MYRFL: variants seen among roughly 807,000 people sequenced by gnomAD.
MYRFL encodes the protein myelin regulatory factor like, also known as myelin regulatory factor-like protein.
In MYRFL, 88 loss-of-function variants were observed where a neutral mutation model predicts 109.4. That is an observed-to-expected ratio of 0.80 (90% CI 0.68 to 0.96). The LOEUF (loss-of-function observed/expected upper bound fraction) is 0.96. MYRFL is among the 40% of genes least tolerant of loss of function. The pLI, the probability that MYRFL is intolerant of heterozygous loss-of-function variation, is 0.00. For synonymous variants in MYRFL, 324 were observed against 320.9 expected (o/e 1.01, Z -0.10); for missense variants, 957 against 954.9 (o/e 1.00, Z -0.03).
intron 10 of MYRFL, among the ~76,000 whole-genome samples, chr12:69,902,048 C>T (rs1954211688): frequency 6.6e-6 from 1 of 152,062 alleles, no homozygotes; most frequent in East Asian, 1.9e-4. Context: ...AACATGCCAC[C>T]ACACATGGCT....
chr12:69,915,544 G>A (rs543116642), intron 13 of MYRFL, among the ~76,000 whole-genome samples: 1 of 152,128 alleles, frequency 6.6e-6, no homozygotes, highest in Non-Finnish European at 1.5e-5. Context: ...GCAACCAAAG[G>A]GGGTGATCGT....
Position 69,958,630 on chromosome 12 carries a change from A to G in MYRFL, c.*99A>G. The stretch of plus-strand genomic sequence containing the variant: ...CAACTTCTTTTTTCTTCTTTGTAAA[A>G]CATTTACGTTTATTGCTGAAGGACT... On this transcript the variant is annotated 3_prime_UTR_variant, in exon 25 of 25. Coordinates refer to ENST00000552032, the MANE Select transcript of MYRFL (RefSeq NM_182530.3). The G allele has an allele frequency of 5.6e-6, 5 of 889,782 alleles. No homozygotes were observed. The South Asian group carries it at 8.6e-5, about 15-fold the overall frequency. The allele number at this position is 889,782 out of a possible 1,614,324, so 55.1% of individuals were successfully genotyped here.
At position 69,958,530 on chromosome 12, in the gene MYRFL, A is replaced by G. The variant is rs1956147273; in HGVS notation, c.2732A>G (p.Ter911=). The change falls in exon 25 of 25, where the codon TAA becomes TGA. Residue 911 remains the stop codon, a stop_retained_variant. Transcript: ENST00000552032. ...YFFYFYRRCA[*] ...TTTTACTTCTATCGACGCTGTGCCT[A>G]ATTTGTTCAAGTTTGGGGACTTTAC... 1.2e-5 allele frequency: 18 copies of G among 1,530,534 alleles called. No homozygotes were observed. The highest frequency in any genetic ancestry group is 1.3e-5 in the Non-Finnish European group (15 of 1,144,994). 94.8% of individuals were successfully genotyped at this position (1,530,534 alleles called of 1,614,324 possible).
intron 19 of MYRFL, among the ~76,000 whole-genome samples, chr12:69,949,129 G>A (rs749531348): frequency 1.3e-5 from 2 of 152,066 alleles, no homozygotes; most frequent in African/African-American, 4.8e-5. Context: ...ATTCCACCTA[G>A]TGAAAGGAGT....
chr12:69,826,597 C>T lies in MYRFL; in HGVS notation c.46+1034C>T, dbSNP rs575663387. On this transcript the variant is annotated intron_variant, in intron 1 of 24. Transcript: ENST00000552032. Reference sequence around the variant, plus strand: ...GAAAGAGCTTTTATTTCTATGGGATCCCTATACTGTCCTTGTTTATACTAT... The same window carrying T: ...GAAAGAGCTTTTATTTCTATGGGATTCCTATACTGTCCTTGTTTATACTAT... Among the ~76,000 whole-genome samples, 8 of 152,136 alleles carry T rather than the reference C, an allele frequency of 5.3e-5. No homozygotes were observed. The East Asian group carries it at 1.4e-3, about 26-fold the overall frequency.
rs553041024 is a variant in MYRFL, at chr12:69,831,258, T to C, written c.46+5695T>C. The stretch of plus-strand genomic sequence containing the variant: ...CCTGTTTTTGCAAATAAACTTTTAC[T>C]GTAACATACTCTTTTACATATTGTC... On this transcript the variant is annotated intron_variant, in intron 1 of 24. Coordinates refer to ENST00000552032, the MANE Select transcript of MYRFL (RefSeq NM_182530.3). Among the ~76,000 whole-genome samples the C allele has an allele frequency of 3.9e-5, 6 of 152,298 alleles. No individual in the cohort carries two copies. In the East Asian group the frequency reaches 1.2e-3, roughly 29 times the overall value.
chr12:69,907,104 T>C (rs140872291), intron 11 of MYRFL, among the ~76,000 whole-genome samples: 210 of 152,310 alleles, frequency 1.4e-3, no homozygotes, highest in African/African-American at 4.2e-3. Context: ...TTGCCTCAAG[T>C]GTTTTCCCTA....
intron 2 of MYRFL, among the ~76,000 whole-genome samples, chr12:69,869,527 A>G (rs1885215320): frequency 6.6e-6 from 1 of 152,158 alleles, no homozygotes; most frequent in South Asian, 2.1e-4. Context: ...CTCTCCTGAT[A>G]TATGGATTTA....
intron 2 of MYRFL, among the ~76,000 whole-genome samples, chr12:69,874,724 C>T (rs1276812052): frequency 6.6e-6 from 1 of 151,962 alleles, no homozygotes; most frequent in African/African-American, 2.4e-5. Context: ...ATATCAAATT[C>T]TGGCTTACCA....
chr12:69,927,240 C>T (rs1260128157), intron 14 of MYRFL, among the ~76,000 whole-genome samples: 6 of 152,046 alleles, frequency 3.9e-5, no homozygotes, highest in African/African-American at 7.2e-5. Context: ...CCACCACGCC[C>T]GGCCCTGTTG....
intron 4 of MYRFL, 99 bp from the exon 5 acceptor site, chr12:69,880,102 G>A (rs2136332843): frequency 1.6e-6 from 1 of 630,588 alleles, no homozygotes; most frequent in East Asian, 2.8e-5. Flanking sequence ...ATTGGAATTA[G>A]ACTTAGGAAA....
At chr12:69,940,537 G>C (rs1214482627) in intron 19 of MYRFL, among the ~76,000 whole-genome samples, 1 of 151,842 alleles carries the variant, frequency 6.6e-6, no homozygotes, top group Non-Finnish European at 1.5e-5. Flanking sequence ...TGCCCTAAAA[G>C]AGCTCCTGAA....
intron 15 of MYRFL, among the ~76,000 whole-genome samples, chr12:69,931,854 T>G (rs1477263036): frequency 6.6e-6 from 1 of 152,212 alleles, no homozygotes; most frequent in Non-Finnish European, 1.5e-5. Flanking sequence ...TCCTAAAGTT[T>G]TGTCTCATTC....
At chr12:69,854,233 C>T (rs1214724807) in intron 1 of MYRFL, among the ~76,000 whole-genome samples, 1 of 151,978 alleles carries the variant, frequency 6.6e-6, no homozygotes, top group African/African-American at 2.4e-5. Context: ...CAATCTCAGG[C>T]ACTCGGCAGG....
chr12:69,912,199 A>G (rs1235528601), intron 13 of MYRFL, among the ~76,000 whole-genome samples: 1 of 152,222 alleles, frequency 6.6e-6, no homozygotes, highest in African/African-American at 2.4e-5. Flanking sequence ...CTTCGATAGA[A>G]GCAATTCTTC....
intron 11 of MYRFL, among the ~76,000 whole-genome samples, chr12:69,907,756 A>C (rs1425172140): frequency 6.6e-6 from 1 of 152,234 alleles, no homozygotes; most frequent in African/African-American, 2.4e-5. Flanking sequence ...GAGATAAATA[A>C]GACTCAAGAA....
Position 69,880,951 on chromosome 12 carries a change from G to GGTTTTTTTTTTT in MYRFL, c.556+659_556+660insGTTTTTTTTTTT, listed in dbSNP as rs1555246956. Among the ~76,000 whole-genome samples the GGTTTTTTTTTTT allele has an allele frequency of 3.9e-4, 44 of 112,626 alleles. 8 individuals are homozygous for GGTTTTTTTTTTT. The highest frequency in any genetic ancestry group is 4.8e-4 in the Non-Finnish European group (27 of 55,762). 73.9% of individuals were successfully genotyped at this position (112,626 alleles called of 152,430 possible). ...TAATGTCCAAGCGGTCAGCCTTCCT[G>GGTTTTTTTTTTT]TTTTTTTTTTTTTTTTTTGTCTTAT... On this transcript the variant is annotated intron_variant, in intron 5 of 24. Transcript: ENST00000552032.
intron 6 of MYRFL, among the ~76,000 whole-genome samples, chr12:69,890,474 G>C (rs1886731151): frequency 6.6e-6 from 1 of 152,340 alleles, no homozygotes; most frequent in South Asian, 2.1e-4. Flanking sequence ...GCTCACACCT[G>C]TAATCCTAGC....
At chr12:69,933,566 A>AGAT (rs1328563030) in intron 16 of MYRFL, among the ~76,000 whole-genome samples, 2 of 152,156 alleles carry the variant, frequency 1.3e-5, no homozygotes, top group African/African-American at 4.8e-5. Context: ...TAGCTACAGA[A>AGAT]GATAGTGTAG....
Sources: allele counts gnomAD v4.1 joint callset (sites outside exome capture counted in the v4.1 genomes callset), GRCh38; gene constraint gnomAD v4.1.1; transcripts MANE v1.5; gene names NCBI Gene and HGNC (gene_info 2026-07-23, HGNC 2026-07-21).